Variants in NADK observed in about 807,000 individuals in gnomAD.
NADK encodes the protein NAD kinase, also known as poly(P)/ATP NAD kinase.
In NADK, 22 loss-of-function variants were observed where a neutral mutation model predicts 49.8. The ratio of observed to expected loss-of-function variants is 0.44; its 90% CI spans 0.32 to 0.63. The LOEUF (loss-of-function observed/expected upper bound fraction) is 0.63. Among genes scored for constraint, NADK ranks in the 30% least tolerant of loss-of-function variants. NADK has a pLI of 0.06. For missense variants in NADK, 438 were observed against 609.4 expected, an observed-to-expected ratio of 0.72 and a Z score of 2.96; for synonymous variants, 268 against 253.7, an observed-to-expected ratio of 1.06 and a Z score of -0.54.
At chr1:1,776,965 C>T (rs1312616969) in intron 1 of NADK, among the ~76,000 whole-genome samples, 1 of 152,146 alleles carries the variant, frequency 6.6e-6, no homozygotes, top group South Asian at 2.1e-4. Context: ...GTAATCCCAG[C>T]TACTCAGGAG....
At chr1:1,759,560 G>T (rs1442392465) in intron 3 of NADK, among the ~76,000 whole-genome samples, 1 of 152,256 alleles carries the variant, frequency 6.6e-6, no homozygotes, top group Non-Finnish European at 1.5e-5. Flanking sequence ...ACAGGGTCTT[G>T]CTCTGGACTA....
intron 3 of NADK, among the ~76,000 whole-genome samples, chr1:1,759,451 A>G (rs115639524): frequency 0.01 from 1,591 of 152,326 alleles, 33 homozygotes; most frequent in African/African-American, 0.037. Context: ...GGCCACGCAC[A>G]CTGTGACACA....
At chr1:1,772,092 A>C (rs999374252) in intron 1 of NADK, among the ~76,000 whole-genome samples, 1 of 151,802 alleles carries the variant, frequency 6.6e-6, no homozygotes, top group Non-Finnish European at 1.5e-5. Flanking sequence ...TACAGGCGTG[A>C]GCCACCTCAC....
At chr1:1,756,666 A>G in intron 4 of NADK, 58 bp from the exon 5 acceptor site, 1 of 1,611,080 alleles carries the variant, frequency 6.2e-7, no homozygotes, top group Non-Finnish European at 8.5e-7. Flanking sequence ...TCCTGCAGGG[A>G]GGTTCCCGAC....
At chr1:1,770,206 A>AG (rs1646007846) in intron 1 of NADK, among the ~76,000 whole-genome samples, 1 of 151,838 alleles carries the variant, frequency 6.6e-6, no homozygotes, top group Non-Finnish European at 1.5e-5. Flanking sequence ...AGAAAAAAAA[A>AG]CCATGAAAAA....
intron 6 of NADK, 93 bp downstream of exon 6, chr1:1,756,165 G>T: frequency 2.5e-6 from 3 of 1,192,212 alleles, no homozygotes; most frequent in Non-Finnish European, 3.8e-6. Context: ...CGTATAAAGG[G>T]GTGAAAAGCA....
intron 6 of NADK, 114 bp downstream of exon 6, chr1:1,756,144 G>A (rs1645512592): frequency 1.9e-6 from 2 of 1,033,286 alleles, no homozygotes; most frequent in Middle Eastern, 2.9e-4. Context: ...GCCGCTCTAG[G>A]TGACTGCTCT....
intron 1 of NADK, among the ~76,000 whole-genome samples, chr1:1,770,351 A>C (rs1191490432): frequency 6.6e-6 from 1 of 152,206 alleles, no homozygotes; most frequent in Non-Finnish European, 1.5e-5. Flanking sequence ...TTTGGCATGA[A>C]ATGTAGGTCT....
At chr1:1,756,386 TG>T in intron 5 of NADK, 43 bp from the exon 6 acceptor site, 11 of 1,604,630 alleles carry the variant, frequency 6.9e-6, no homozygotes, top group Non-Finnish European at 9.4e-6. Context: ...TGTCACACAG[TG>T]GCCCCTCTGT....
rs2011011 is a variant in NADK at position 1,761,181 on chromosome 1, T to C, written c.263+771A>G. Among the ~76,000 whole-genome samples, 174 of 152,292 alleles carry C rather than the reference T, an allele frequency of 1.1e-3. 2 individuals carry two copies. Among genetic ancestry groups the C allele is most frequent in the East Asian group, 9.9e-3 (51 of 5,172 alleles). ...CTAATTTTTGTACTTTTAGTAGAGA[T>C]GGGGTTTCACCATATTGGCCAGGCT... On this transcript the variant is annotated intron_variant, in intron 3 of 11. Coordinates refer to ENST00000341426, the MANE Select transcript of NADK (RefSeq NM_023018.5).
Position 1,755,427 on chromosome 1 carries a change from A to G in NADK, c.635T>C (p.Leu212Pro). The G allele has an allele frequency of 6.2e-7, 1 of 1,614,082 alleles. No individual in the cohort carries two copies. The highest frequency in any genetic ancestry group is 8.5e-7 in the Non-Finnish European group (1 of 1,179,994). Residue 212 changes from leucine to proline, a missense_variant, in exon 7 of 12, where the codon CTG becomes CCG. Leu to Pro is a moderately conservative substitution (Grantham distance 98). Coordinates refer to ENST00000341426, the MANE Select transcript of NADK (RefSeq NM_023018.5). ...AAAGTTCTCAAAGCTGAATGGGGTCAGGAAGCCCAGGGAGCCCAGGTGGAA... is the reference window on the plus strand; with the variant it reads ...AAAGTTCTCAAAGCTGAATGGGGTCGGGAAGCCCAGGGAGCCCAGGTGGAA... The part of the protein sequence containing the change: ...MAFHLGSLGF[L>P]TPFSFENFQS...
intron 3 of NADK, 199 bp downstream of exon 3, chr1:1,761,753 A>T: frequency 1.9e-6 from 1 of 525,500 alleles, no homozygotes; most frequent in Non-Finnish European, 3.5e-6. Flanking sequence ...TTCAGGGAGG[A>T]CGCCCATGTG....
upstream of NADK, chr1:1,778,555 C>T (rs1205044077): frequency 6.6e-6 from 1 of 151,162 alleles, no homozygotes. The surrounding 1 kb of genome is among the most constrained non-coding windows in gnomAD (Gnocchi z 4.9). Flanking sequence ...CGCCGGGACA[C>T]CCCGCGCGGG....
chr1:1,764,719 T>G (rs899292020), intron 2 of NADK, among the ~76,000 whole-genome samples: 2 of 152,156 alleles, frequency 1.3e-5, no homozygotes, highest in African/African-American at 4.8e-5. Context: ...CTGGCCAACA[T>G]GGTGAAACCC....
Position 1,759,826 on chromosome 1 carries a change from C to T in NADK, c.263+2126G>A, listed in dbSNP as rs368440602. On this transcript the variant is annotated intron_variant, in intron 3 of 11. Transcript: ENST00000341426. ...GGCTGAGGCAGAACATGCACCTGTC[C>T]GGTGACCCCGCCCTGGCCCGAGTGA... is the stretch of plus-strand genomic sequence containing the variant. 93 of 1,552,174 alleles carry T rather than the reference C, an allele frequency of 6.0e-5. 1 individual carries two copies. Among genetic ancestry groups the T allele is most frequent in the African/African-American group, 1.5e-4 (11 of 73,234 alleles).
At chr1:1,773,298 C>A (rs1001459996) in intron 1 of NADK, among the ~76,000 whole-genome samples, 1 of 150,928 alleles carries the variant, frequency 6.6e-6, no homozygotes, top group South Asian at 2.1e-4. Flanking sequence ...CGCCGCCACA[C>A]CCGGCTAATT....
In NADK at chr1:1,765,111, T is replaced by C; in HGVS notation, c.179+117A>G. 3.8e-6 allele frequency: 4 copies of C among 1,061,402 alleles called. No individual in the cohort carries two copies. The South Asian group carries it at 6.9e-5, about 18-fold the overall frequency. The allele number at this position is 1,061,402 out of a possible 1,614,324, so 65.7% of individuals were successfully genotyped here. ...GCTTCACCTGGGCAAGGACCCAGCCTCACCTTCCGGATGCATCGACGCAGA... is the reference window on the plus strand; with the variant it reads ...GCTTCACCTGGGCAAGGACCCAGCCCCACCTTCCGGATGCATCGACGCAGA... On this transcript the variant is annotated intron_variant, in intron 2 of 11. Coordinates refer to ENST00000341426, the MANE Select transcript of NADK (RefSeq NM_023018.5).
chr1:1,759,296 CGG>C, intron 3 of NADK: 1 of 1,495,322 alleles, frequency 6.7e-7, no homozygotes, highest in Non-Finnish European at 8.9e-7. Flanking sequence ...GGGTACTGCA[CGG>C]AGAGGGCAGG....
At chr1:1,759,507 A>G (rs560222331) in intron 3 of NADK, among the ~76,000 whole-genome samples, 131 of 152,346 alleles carry the variant, frequency 8.6e-4, no homozygotes, top group Non-Finnish European at 1.7e-3. Context: ...AATTCCCTGG[A>G]CAACAAAACA....
Sources: gnomAD v4.1 joint callset for allele counts (sites outside exome capture counted in the v4.1 genomes callset) on GRCh38, gnomAD v4.1.1 for gene constraint, Gnocchi (gnomAD v3.1) non-coding constraint, MANE v1.5 for transcripts, NCBI Gene and HGNC (gene_info 2026-07-23, HGNC 2026-07-21) for gene names.